AHCTF1: variants seen among roughly 807,000 people sequenced by gnomAD.
AHCTF1 encodes the protein AT-hook containing transcription factor 1, also known as protein ELYS.
In AHCTF1, 24 loss-of-function variants were observed where a neutral mutation model predicts 248.4. The observed-to-expected ratio is 0.10, with a 90% confidence interval of 0.07 to 0.14. The LOEUF (loss-of-function observed/expected upper bound fraction) is 0.14, where lower values mean the gene tolerates loss of function less well. Ranked by LOEUF, AHCTF1 falls within the 10% of genes least tolerant of loss-of-function variation. AHCTF1 has a pLI of 1.00. For missense variants in AHCTF1, 2,206 were observed against 2,636.2 expected (o/e 0.84, Z 3.57); for synonymous variants, 786 against 929.8 (o/e 0.85, Z 2.81).
At chr1:246,868,913 C>G (rs554702140) in intron 24 of AHCTF1, among the ~76,000 whole-genome samples, 1 of 146,156 alleles carries the variant, frequency 6.8e-6, no homozygotes, top group Non-Finnish European at 1.5e-5. Context: ...GGTGTGATCT[C>G]GGCTCACTGC....
chr1:246,920,117 C>T (rs569837684), intron 1 of AHCTF1, among the ~76,000 whole-genome samples: 9 of 121,978 alleles, frequency 7.4e-5, no homozygotes, highest in South Asian at 5.1e-4. Context: ...TCCAGCCTGA[C>T]GACACAGTGA....
At chr1:246,901,059 G>A (rs1199583773) in intron 8 of AHCTF1, among the ~76,000 whole-genome samples, 1 of 152,192 alleles carries the variant, frequency 6.6e-6, no homozygotes, top group Non-Finnish European at 1.5e-5. Context: ...AGAGAGCATG[G>A]CCAGGTGCAG....
At chr1:246,858,682 G>A (rs1390725479) in intron 29 of AHCTF1, among the ~76,000 whole-genome samples, 2 of 151,894 alleles carry the variant, frequency 1.3e-5, no homozygotes, top group African/African-American at 4.8e-5. Context: ...AAAATTGGCT[G>A]GGCATGGTGG....
chr1:246,888,610 C>A, intron 17 of AHCTF1, 93 bp from the exon 18 acceptor site: 1 of 1,435,844 alleles, frequency 7.0e-7, no homozygotes. Flanking sequence ...ATAATCCCAA[C>A]TATCAAAGAG....
At chr1:246,923,392 G>T (rs184538425) in intron 1 of AHCTF1, among the ~76,000 whole-genome samples, 2 of 152,060 alleles carry the variant, frequency 1.3e-5, no homozygotes, top group Non-Finnish European at 2.9e-5. Context: ...TCCAGCCTAG[G>T]TGACAGCAAG....
At position 246,863,968 on chromosome 1, in the gene AHCTF1, T is replaced by C; in HGVS notation, c.3496A>G (p.Arg1166Gly). ...QLKGSPQAIS[R>G]ASELHLLETP... ...TCAAGCAAATGTAATTCTGAAGCCC[T>C]GGAGATGGCCTGAGGCGATCCTTTT... Residue 1166 changes from arginine to glycine, a missense_variant, in exon 27 of 36, where the codon AGG (arginine) becomes GGG (glycine). By Grantham distance (125) the Arg-to-Gly change is moderately radical. Coordinates refer to ENST00000648844, the MANE Select transcript of AHCTF1 (RefSeq NM_001323342.2). 6.2e-7 allele frequency: 1 copy of C among 1,614,108 alleles called. No homozygotes were observed. The highest frequency in any genetic ancestry group is 8.5e-7 in the Non-Finnish European group (1 of 1,179,980).
chr1:246,854,512 G>C (rs1660964985), intron 31 of AHCTF1, among the ~76,000 whole-genome samples: 1 of 152,058 alleles, frequency 6.6e-6, no homozygotes, highest in African/African-American at 2.4e-5. Flanking sequence ...AACACTATTA[G>C]AGCTGTTAAA....
At chr1:246,873,335 T>C (rs1294865862) in intron 24 of AHCTF1, among the ~76,000 whole-genome samples, 1 of 152,252 alleles carries the variant, frequency 6.6e-6, no homozygotes, top group Non-Finnish European at 1.5e-5. Context: ...CTGTGGCTGA[T>C]GGTCTCTGGA....
chr1:246,927,814 C>G (rs1180664343), intron 1 of AHCTF1, among the ~76,000 whole-genome samples: 2 of 152,128 alleles, frequency 1.3e-5, no homozygotes, highest in Non-Finnish European at 2.9e-5. Context: ...ACCATCCTGG[C>G]CAACATGGTG....
In AHCTF1 at chr1:246,907,779, A is replaced by G. The variant is rs369995931; in HGVS notation, c.557-21T>C. ...AAGATCTAAAACCACAAATTAGACA[A>G]ATGAAGTTAAAAAACTAGAAACAGC... On this transcript the variant is annotated intron_variant, in intron 4 of 35. Transcript: ENST00000648844. 2.3e-5 allele frequency: 36 copies of G among 1,591,942 alleles called. No individual in the cohort carries two copies. In the African/African-American group the frequency reaches 3.1e-4, roughly 14 times the overall value.
intron 19 of AHCTF1, 47 bp from the exon 20 acceptor site, chr1:246,887,404 T>C (rs1663896683): frequency 1.3e-6 from 2 of 1,540,548 alleles, no homozygotes; most frequent in Admixed American, 3.9e-5. Flanking sequence ...AACAAAAACC[T>C]CCTACGTATA....
rs1254460632 is a variant in AHCTF1 at position 246,916,182 on chromosome 1, C to A, written c.335G>T (p.Gly112Val). ...AACTGCTTTAACTACTTTTGATATT[C>A]CAAGGTCATAAAGACAGAGAACACT... ...EGSVLCLYDLGISKVVKAVVL... is the reference protein window; with the variant it reads ...EGSVLCLYDLVISKVVKAVVL... The change falls in exon 3 of 36, where the codon GGA (glycine) becomes GTA (valine). Residue 112 changes from glycine to valine, a missense_variant. By Grantham distance (109) the Gly-to-Val change is moderately radical (BLOSUM62 -3). Coordinates refer to ENST00000648844, the MANE Select transcript of AHCTF1 (RefSeq NM_001323342.2). 3 of 1,612,484 alleles carry A rather than the reference C, an allele frequency of 1.9e-6. No homozygotes were observed. The highest frequency in any genetic ancestry group is 2.5e-6 in the Non-Finnish European group (3 of 1,179,140).
intron 1 of AHCTF1, among the ~76,000 whole-genome samples, chr1:246,920,461 G>A (rs2103236481): frequency 6.6e-6 from 1 of 152,124 alleles, no homozygotes; most frequent in East Asian, 1.9e-4. Context: ...GCAACAATAT[G>A]AATGAATGTC....
At chr1:246,868,282 C>G (rs1300830302) in intron 24 of AHCTF1, among the ~76,000 whole-genome samples, 1 of 152,100 alleles carries the variant, frequency 6.6e-6, no homozygotes, top group Non-Finnish European at 1.5e-5. Context: ...GAATGTGCCA[C>G]CACGCTAATT....
chr1:246,928,056 G>A (rs1025733018), intron 1 of AHCTF1, among the ~76,000 whole-genome samples: 5 of 151,822 alleles, frequency 3.3e-5, no homozygotes, highest in African/African-American at 7.3e-5. Context: ...GGTGGCTCAC[G>A]CCTGTAATCC....
intron 14 of AHCTF1, among the ~76,000 whole-genome samples, chr1:246,894,301 G>A (rs762259468): frequency 9.2e-5 from 14 of 152,240 alleles, no homozygotes; most frequent in South Asian, 4.1e-4. Flanking sequence ...GGCCAGGCGC[G>A]GTGGCTCACG....
intron 24 of AHCTF1, among the ~76,000 whole-genome samples, chr1:246,875,589 A>G (rs1371218643): frequency 3.9e-5 from 6 of 152,208 alleles, no homozygotes; most frequent in African/African-American, 1.4e-4. Context: ...TGACATGGCC[A>G]ACTTCACTGT....
chr1:246,858,968 C>T (rs1444973077), intron 29 of AHCTF1, among the ~76,000 whole-genome samples: 1 of 151,828 alleles, frequency 6.6e-6, no homozygotes, highest in East Asian at 1.9e-4. Context: ...TGGCGCATGC[C>T]TGTAATCCAG....
chr1:246,868,611 T>TAAAA (rs36102148), intron 24 of AHCTF1, among the ~76,000 whole-genome samples: 39 of 132,650 alleles, frequency 2.9e-4, no homozygotes, highest in African/African-American at 9.9e-4. Context: ...TGGTAAGTGG[T>TAAAA]AAAAAAAAAA....
Sources: gnomAD v4.1 joint callset for allele counts (sites outside exome capture counted in the v4.1 genomes callset) on GRCh38, gnomAD v4.1.1 for gene constraint, MANE v1.5 for transcripts, NCBI Gene and HGNC (gene_info 2026-07-23, HGNC 2026-07-21) for gene names.